Variants in CUL2 observed in about 807,000 individuals in gnomAD.
CUL2 encodes the protein cullin 2.
Under a neutral mutation model 110.2 loss-of-function variants are expected in CUL2, and 22 were observed. The observed-to-expected ratio is 0.20, with a 90% confidence interval of 0.14 to 0.28. The LOEUF is 0.28. Among genes scored for constraint, CUL2 ranks in the 10% least tolerant of loss-of-function variants. The pLI is 1.00. For missense variants in CUL2, 631 were observed against 905.5 expected (o/e 0.70, Z 3.89); for synonymous variants, 279 against 293.2 (o/e 0.95, Z 0.49).
In CUL2 at chr10:35,031,614, A is replaced by C. The variant is rs752537212; in HGVS notation, c.1176T>G (p.Ala392=). 1 of 1,614,062 alleles carries C rather than the reference A, an allele frequency of 6.2e-7. No homozygotes were observed. Among genetic ancestry groups the C allele is most frequent in the Non-Finnish European group, 8.5e-7 (1 of 1,179,996 alleles). Residue 392 remains alanine, a synonymous_variant, in exon 13 of 21, where the codon GCT becomes GCG. Coordinates refer to ENST00000374749, the MANE Select transcript of CUL2 (RefSeq NM_003591.4). This position sits in a 1 kb window ranked among gnomAD's most constrained non-coding sequence, Gnocchi z 4.4. ...KSVCKAPELL[A]KYCDNLLKKS... is the part of the protein sequence containing the mutation. Reference sequence around the variant, plus strand: ...TCTTCAGTAAGTTGTCACAGTACTTAGCAAGCTCATGTAGAAATTGATAAT... The same window carrying C: ...TCTTCAGTAAGTTGTCACAGTACTTCGCAAGCTCATGTAGAAATTGATAAT...
chr10:35,086,629 C>T (rs1397852859), intron 1 of CUL2, among the ~76,000 whole-genome samples: 1 of 151,502 alleles, frequency 6.6e-6, no homozygotes, highest in Non-Finnish European at 1.5e-5. Flanking sequence ...AGGTCAAAAA[C>T]TTAACGAGAC....
At chr10:35,043,946 T>C (rs1053229190) in intron 8 of CUL2, among the ~76,000 whole-genome samples, 2 of 150,248 alleles carry the variant, frequency 1.3e-5, no homozygotes, top group African/African-American at 4.9e-5. Flanking sequence ...TGTGTGCCTG[T>C]AGTCCCAGCT....
At chr10:35,055,552 G>A (rs1255819173) in intron 4 of CUL2, among the ~76,000 whole-genome samples, 2 of 152,130 alleles carry the variant, frequency 1.3e-5, no homozygotes, top group African/African-American at 4.8e-5. Context: ...GGGTAACAGC[G>A]AGACTGTCTC....
chr10:35,098,566 G>A (rs1337291675), intron 2 of CUL2, among the ~76,000 whole-genome samples: 2 of 151,954 alleles, frequency 1.3e-5, no homozygotes, highest in East Asian at 1.9e-4. Context: ...GTGTTACCAA[G>A]AGCAAAATAT....
intron 1 of CUL2, among the ~76,000 whole-genome samples, chr10:35,104,116 A>G (rs933452936): frequency 6.6e-6 from 1 of 152,170 alleles, no homozygotes; most frequent in Non-Finnish European, 1.5e-5. Context: ...ACATGTGCGC[A>G]CACACACGAT....
chr10:35,041,264 G>A (rs559559845), intron 8 of CUL2, among the ~76,000 whole-genome samples: 32 of 152,330 alleles, frequency 2.1e-4, no homozygotes, highest in Admixed American at 7.2e-4. Flanking sequence ...AGAGGTGAAG[G>A]AGGATGGAAG....
At chr10:35,091,016 C>A (rs1165325950), upstream of CUL2, among the ~76,000 whole-genome samples, 2 of 152,302 alleles carry the variant, frequency 1.3e-5, no homozygotes, top group Middle Eastern at 3.4e-3. Flanking sequence ...CAGAGAATTT[C>A]TTGGACATAC....
chr10:35,089,516 G>A (rs908009483), intron 1 of CUL2, among the ~76,000 whole-genome samples: 3 of 152,156 alleles, frequency 2.0e-5, no homozygotes, highest in South Asian at 2.1e-4. Flanking sequence ...AACGCCCAGG[G>A]TACTGGCCTT....
At position 35,065,844 on chromosome 10, in the gene CUL2, C is replaced by T. The variant is rs906813676; in HGVS notation, c.120-2782G>A. Among the ~76,000 whole-genome samples, 5 of 151,984 alleles carry T rather than the reference C, an allele frequency of 3.3e-5. No individual in the cohort carries two copies. The South Asian group carries it at 6.2e-4, about 19-fold the overall frequency. On this transcript the variant is annotated intron_variant, in intron 2 of 20. Coordinates refer to ENST00000374749, the MANE Select transcript of CUL2 (RefSeq NM_003591.4). Reference sequence around the variant, plus strand: ...ACTGCATTCCAGCCTGGCAACAGAGCGAGACACCATCTCAAAAAAGAAAAA... The same window carrying T: ...ACTGCATTCCAGCCTGGCAACAGAGTGAGACACCATCTCAAAAAAGAAAAA...
chr10:35,022,113 G>A lies in CUL2; in HGVS notation c.1684+3019C>T, dbSNP rs538420540. On this transcript the variant is annotated intron_variant, in intron 17 of 20. Transcript: ENST00000374749. ...TTCCTACTAGACATGAGTTTTTTTTGAGGGCCAAGGCTCTGTATTTTATTT... is the reference window on the plus strand; with the variant it reads ...TTCCTACTAGACATGAGTTTTTTTTAAGGGCCAAGGCTCTGTATTTTATTT... 6.4e-4 allele frequency among the ~76,000 whole-genome samples: 98 copies of A among 151,948 alleles called. 2 individuals carry two copies. The South Asian group carries it at 0.02, about 31-fold the overall frequency.
intron 16 of CUL2, among the ~76,000 whole-genome samples, chr10:35,025,865 A>T (rs923472021): frequency 6.6e-6 from 1 of 152,210 alleles, no homozygotes; most frequent in African/African-American, 2.4e-5. Flanking sequence ...CAATTTCTTT[A>T]TAAAACTAAA....
intron 2 of CUL2, among the ~76,000 whole-genome samples, chr10:35,066,503 T>G (rs929713330): frequency 5.9e-5 from 9 of 152,212 alleles, no homozygotes; most frequent in African/African-American, 2.2e-4. Context: ...TTTAACCATG[T>G]TGGCCAGGCT....
chr10:35,111,399 GCAC>G (rs920521266), intron 1 of CUL2, among the ~76,000 whole-genome samples: 1 of 151,782 alleles, frequency 6.6e-6, no homozygotes, highest in Non-Finnish European at 1.5e-5. Context: ...CTACAGGTGT[GCAC>G]CACCACGCCT....
intron 1 of CUL2, among the ~76,000 whole-genome samples, chr10:35,109,857 CAATCTGGTTTGCCATAATTAA>C (rs1192484566): frequency 6.6e-6 from 1 of 152,170 alleles, no homozygotes; most frequent in Non-Finnish European, 1.5e-5. Flanking sequence ...AATAATGATA[CAATCTGGTTTGCCATAATTAA>C]AATATCCATA....
At chr10:35,118,559 C>T (rs2087635557) in intron 1 of CUL2, 1 of 152,182 alleles carries the variant, frequency 6.6e-6, no homozygotes, top group Non-Finnish European at 1.5e-5. Context: ...CTCTGAAGCT[C>T]TATTAAGCTT....
upstream of CUL2, among the ~76,000 whole-genome samples, chr10:35,093,479 C>CA (rs2087244924): frequency 6.6e-6 from 1 of 151,488 alleles, no homozygotes; most frequent in Non-Finnish European, 1.5e-5. Flanking sequence ...GACAATATAG[C>CA]AAAACCCCAT....
At chr10:35,120,763 A>T (rs564439701) in intron 1 of CUL2, among the ~76,000 whole-genome samples, 1 of 152,004 alleles carries the variant, frequency 6.6e-6, no homozygotes, top group South Asian at 2.1e-4. Context: ...TGGCATGGTG[A>T]TGCACACCCG....
At chr10:35,081,865 A>G (rs1273745144) in intron 1 of CUL2, among the ~76,000 whole-genome samples, 1 of 152,146 alleles carries the variant, frequency 6.6e-6, no homozygotes, top group Non-Finnish European at 1.5e-5. Context: ...TGACTGCTAT[A>G]TAATACATTA....
In CUL2 at chr10:35,009,365, G is replaced by T. The variant is rs1421719176; in HGVS notation, c.*946C>A. 1 of 151,918 alleles carries T rather than the reference G, an allele frequency of 6.6e-6. No homozygotes were observed. The highest frequency in any genetic ancestry group is 1.5e-5 in the Non-Finnish European group (1 of 67,982). 9.4% of individuals were successfully genotyped at this position (151,918 alleles called of 1,614,324 possible). A position where few individuals can be genotyped will look rare whatever the true frequency, so the allele number is the denominator to read the frequency against. Reference sequence around the variant, plus strand: ...TCTAGTATCTAAACTGTTGGAGGAGGGTTGTAAGGGTAACAGGTAGGGGAG... The same window carrying T: ...TCTAGTATCTAAACTGTTGGAGGAGTGTTGTAAGGGTAACAGGTAGGGGAG... On this transcript the variant is annotated 3_prime_UTR_variant, in exon 21 of 21. Coordinates refer to ENST00000374749, the MANE Select transcript of CUL2 (RefSeq NM_003591.4).
Sources: gnomAD v4.1 joint callset for allele counts (sites outside exome capture counted in the v4.1 genomes callset) on GRCh38, gnomAD v4.1.1 for gene constraint, Gnocchi (gnomAD v3.1) non-coding constraint, MANE v1.5 for transcripts, NCBI Gene and HGNC (gene_info 2026-07-23, HGNC 2026-07-21) for gene names.